Variants in METTL8 observed in about 807,000 individuals in gnomAD.
The protein encoded by METTL8 is methyltransferase 8, tRNA N3-cytidine.
Under a neutral mutation model 48.7 loss-of-function variants are expected in METTL8, and 32 were observed. The ratio of observed to expected loss-of-function variants is 0.66; its 90% CI spans 0.50 to 0.88. The LOEUF (loss-of-function observed/expected upper bound fraction) is 0.88. METTL8 is among the 40% of genes least tolerant of loss of function. The pLI, the probability that METTL8 is intolerant of heterozygous loss-of-function variation, is 0.00. For missense variants in METTL8, 464 were observed against 474.4 expected (o/e 0.98, Z 0.20); for synonymous variants, 136 against 157.1 (o/e 0.87, Z 1.01).
intron 1 of METTL8, among the ~76,000 whole-genome samples, chr2:171,397,352 TAAAAAAAAAAA>T (rs71013039): frequency 2.6e-4 from 3 of 11,692 alleles, no homozygotes; most frequent in East Asian, 5.1e-3. Flanking sequence ...ACCCTGTCTC[TAAAAAAAAAAA>T]AAAAAAAAAA....
At chr2:171,360,356 T>C in intron 3 of METTL8, 66 bp downstream of exon 3, 1 of 1,338,412 alleles carries the variant, frequency 7.5e-7, no homozygotes, top group Non-Finnish European at 1.1e-6. Flanking sequence ...TCAGAAGCAA[T>C]GACACGAGGA....
intron 1 of METTL8, among the ~76,000 whole-genome samples, chr2:171,432,165 C>T (rs1340414610): frequency 6.6e-6 from 1 of 152,096 alleles, no homozygotes; most frequent in East Asian, 1.9e-4. Flanking sequence ...GTGGCAAGCC[C>T]AGCCCGAGCA....
chr2:171,330,958 T>C (rs1685465200), intron 6 of METTL8, among the ~76,000 whole-genome samples: 1 of 152,186 alleles, frequency 6.6e-6, no homozygotes, highest in Non-Finnish European at 1.5e-5. Context: ...GTAGGCTTTC[T>C]GAGTTAGTAG....
intron 3 of METTL8, among the ~76,000 whole-genome samples, chr2:171,354,794 T>C (rs1467939765): frequency 1.3e-5 from 2 of 152,228 alleles, no homozygotes; most frequent in East Asian, 1.9e-4. Flanking sequence ...TCTCGTGCCA[T>C]GGTTTTCAGC....
intron 1 of METTL8, among the ~76,000 whole-genome samples, chr2:171,399,035 T>C (rs1258479368): frequency 1.3e-5 from 2 of 152,152 alleles, no homozygotes; most frequent in African/African-American, 2.4e-5. Context: ...CTCAAATTAA[T>C]GTCACATCAA....
chr2:171,360,375 A>T, intron 3 of METTL8, 47 bp downstream of exon 3: 1 of 1,530,012 alleles, frequency 6.5e-7, no homozygotes, highest in Non-Finnish European at 9.0e-7. Flanking sequence ...GAGGAGGAAA[A>T]GTCACTAAAG....
At chr2:171,331,237 A>G (rs918362922) in intron 6 of METTL8, among the ~76,000 whole-genome samples, 1 of 151,966 alleles carries the variant, frequency 6.6e-6, no homozygotes, top group Non-Finnish European at 1.5e-5. Context: ...CAGCCTCCCA[A>G]GTAGCTGGGA....
Position 171,319,817 on chromosome 2 carries a change from T to A in METTL8, c.*4355A>T, listed in dbSNP as rs1684441255. 2 of 152,172 alleles carry A rather than the reference T, an allele frequency of 1.3e-5. No homozygotes were observed. The highest frequency in any genetic ancestry group is 2.9e-5 in the Non-Finnish European group (2 of 68,030). The allele number at this position is 152,172 out of a possible 1,614,324, so 9.4% of individuals were successfully genotyped here. ...CATTTGGACGATGCTCAAAAGTGAATTTTTAGAAATGGAGAAAAAAATGAA... is the reference window on the plus strand; with the variant it reads ...CATTTGGACGATGCTCAAAAGTGAAATTTTAGAAATGGAGAAAAAAATGAA... On this transcript the variant is annotated 3_prime_UTR_variant, in exon 10 of 10. Transcript: ENST00000375258.
intron 1 of METTL8, among the ~76,000 whole-genome samples, chr2:171,404,180 T>C (rs751594253): frequency 1.4e-5 from 2 of 145,228 alleles, no homozygotes; most frequent in African/African-American, 2.6e-5. Flanking sequence ...ATACAATAAG[T>C]TATGTGAATA....
chr2:171,392,099 G>A lies in METTL8; in HGVS notation c.87C>T (p.Ala29=), dbSNP rs916554150. 1.0e-4 allele frequency: 155 copies of A among 1,551,214 alleles called. 1 individual carries two copies. The highest frequency in any genetic ancestry group is 1.3e-4 in the Non-Finnish European group (147 of 1,146,712). ...HRYQSGYHPV[A]PLGSRILTDP... is the part of the protein sequence containing the mutation. ...CAGTTAAAATCCTTGATCCCAGAGG[G>A]GCCACTGGGTGGTAACCACTTTGGT... Residue 29 remains alanine, a synonymous_variant, in exon 2 of 10, where the codon GCC becomes GCT. Transcript: ENST00000375258.
At chr2:171,334,721 AAGAC>A (rs1233662274) in intron 5 of METTL8, among the ~76,000 whole-genome samples, 1 of 152,240 alleles carries the variant, frequency 6.6e-6, no homozygotes, top group Non-Finnish European at 1.5e-5. Flanking sequence ...GAGGCAAAGA[AAGAC>A]AGAGCTAAGA....
At chr2:171,406,466 G>T (rs955218668) in intron 1 of METTL8, among the ~76,000 whole-genome samples, 17 of 152,188 alleles carry the variant, frequency 1.1e-4, no homozygotes, top group African/African-American at 3.6e-4. Context: ...CCATATCAAA[G>T]TGCTGGCTGA....
At chr2:171,385,222 G>C (rs1294660158) in intron 2 of METTL8, among the ~76,000 whole-genome samples, 1 of 151,680 alleles carries the variant, frequency 6.6e-6, no homozygotes, top group East Asian at 1.9e-4. Context: ...AGACCAGCCT[G>C]GGCAACATGG....
chr2:171,376,175 T>C (rs1686943682), intron 2 of METTL8, among the ~76,000 whole-genome samples: 1 of 152,226 alleles, frequency 6.6e-6, no homozygotes, highest in East Asian at 1.9e-4. Context: ...TTGCTTGCTT[T>C]GAATATACCT....
At chr2:171,365,649 A>C (rs929970561) in intron 2 of METTL8, among the ~76,000 whole-genome samples, 13 of 152,238 alleles carry the variant, frequency 8.5e-5, no homozygotes, top group Admixed American at 3.9e-4. Context: ...GTTACAAACA[A>C]ACACACACAT....
intron 2 of METTL8, among the ~76,000 whole-genome samples, chr2:171,365,636 A>G (rs1165715516): frequency 6.6e-6 from 1 of 152,218 alleles, no homozygotes. Context: ...TATTTATTAC[A>G]TAGTTACAAA....
rs184193771 is a variant in METTL8 at position 171,317,242 on chromosome 2, T to C, written c.*6930A>G. 6.6e-5 allele frequency among the ~76,000 whole-genome samples: 10 copies of C among 152,266 alleles called. No individual in the cohort carries two copies. Among genetic ancestry groups the C allele is most frequent in the Admixed American group, 2.0e-4 (3 of 15,292 alleles). On this transcript the variant is annotated 3_prime_UTR_variant, in exon 10 of 10. Coordinates refer to ENST00000375258, the MANE Select transcript of METTL8 (RefSeq NM_001321154.2). ...TTTGAAACAACCAACACTTGATATATAAAGGTTAACTGAGGAAAAAATTAA... is the reference window on the plus strand; with the variant it reads ...TTTGAAACAACCAACACTTGATATACAAAGGTTAACTGAGGAAAAAATTAA...
chr2:171,420,969 T>C (rs1691811202), intron 1 of METTL8, among the ~76,000 whole-genome samples: 1 of 152,202 alleles, frequency 6.6e-6, no homozygotes, highest in Middle Eastern at 3.2e-3. Flanking sequence ...AAGTATTCCC[T>C]TTATAAACAT....
chr2:171,405,999 A>G (rs1690145449), intron 1 of METTL8, among the ~76,000 whole-genome samples: 1 of 152,254 alleles, frequency 6.6e-6, no homozygotes, highest in Admixed American at 6.5e-5. Context: ...GCCTATCTAA[A>G]GATGCAGCTC....
Sources: allele counts gnomAD v4.1 joint callset (sites outside exome capture counted in the v4.1 genomes callset), GRCh38; gene constraint gnomAD v4.1.1; transcripts MANE v1.5; gene names NCBI Gene and HGNC (gene_info 2026-07-23, HGNC 2026-07-21).